TENM2: variants seen among roughly 807,000 people sequenced by gnomAD.
TENM2 encodes the protein teneurin transmembrane protein 2.
Under a neutral mutation model 245.2 loss-of-function variants are expected in TENM2, and 52 were observed. That is an observed-to-expected ratio of 0.21 (90% CI 0.17 to 0.27). The LOEUF (loss-of-function observed/expected upper bound fraction) is 0.27, where lower values mean the gene tolerates loss of function less well. Among genes scored for constraint, TENM2 ranks in the 10% least tolerant of loss-of-function variants. The pLI is 1.00. For synonymous variants in TENM2, 1,363 were observed against 1,438.9 expected (o/e 0.95, Z 1.19); for missense variants, 3,046 against 3,666.8 (o/e 0.83, Z 4.37).
intron 1 of TENM2, among the ~76,000 whole-genome samples, chr5:167,363,657 G>C (rs1759847821): frequency 6.7e-6 from 1 of 149,128 alleles, no homozygotes; most frequent in South Asian, 2.1e-4. Context: ...TGTGAACCCA[G>C]GAGGTGGAGC....
the TENM2 span, among the ~76,000 whole-genome samples, chr5:167,209,648 C>T: frequency 6.6e-6 from 1 of 152,286 alleles, no homozygotes; most frequent in Non-Finnish European, 1.5e-5. Context: ...ATTTTCTGCT[C>T]TTTGTAAAAT....
chr5:167,547,869 G>T (rs764706821), intron 2 of TENM2, among the ~76,000 whole-genome samples: 6 of 152,202 alleles, frequency 3.9e-5, no homozygotes, highest in Non-Finnish European at 8.8e-5. Context: ...GGGAAAGGTG[G>T]AGACAAGGAT....
At chr5:167,118,151 G>A in the TENM2 span, among the ~76,000 whole-genome samples, 1 of 152,112 alleles carries the variant, frequency 6.6e-6, no homozygotes, top group Non-Finnish European at 1.5e-5. Context: ...CTTCCAGTTT[G>A]TAGGCTATTT....
upstream of TENM2, among the ~76,000 whole-genome samples, chr5:167,284,604 A>T (rs753661839): frequency 3.6e-4 from 55 of 152,332 alleles, no homozygotes; most frequent in Middle Eastern, 3.4e-3. Flanking sequence ...TCTTCTATTT[A>T]GGCTGATTGT....
At chr5:168,034,128 TATATATGTATA>T (rs1787424848) in intron 5 of TENM2, among the ~76,000 whole-genome samples, 1 of 123,156 alleles carries the variant, frequency 8.1e-6, no homozygotes, top group African/African-American at 2.9e-5. Flanking sequence ...TGTGTATATA[TATATATGTATA>T]CATATATATG....
At chr5:167,091,540 GAGA>G in the TENM2 span, among the ~76,000 whole-genome samples, 1 of 152,156 alleles carries the variant, frequency 6.6e-6, no homozygotes, top group Non-Finnish European at 1.5e-5. Flanking sequence ...TAAAGAGTTG[GAGA>G]AGAACTTAGA....
At chr5:168,093,536 A>G (rs908218925) in intron 8 of TENM2, among the ~76,000 whole-genome samples, 5 of 152,206 alleles carry the variant, frequency 3.3e-5, no homozygotes, top group Admixed American at 3.3e-4. Flanking sequence ...ACAGAAGGAA[A>G]ATGTTAGACA....
chr5:167,800,618 G>A (rs908750003), intron 2 of TENM2, among the ~76,000 whole-genome samples: 1 of 152,180 alleles, frequency 6.6e-6, no homozygotes, highest in Non-Finnish European at 1.5e-5. Context: ...CTTGCAGCAT[G>A]CATAATCTGA....
chr5:167,308,288 C>G (rs1755801200), intron 1 of TENM2, among the ~76,000 whole-genome samples: 2 of 152,178 alleles, frequency 1.3e-5, no homozygotes, highest in South Asian at 4.1e-4. Context: ...TGGGACAAGT[C>G]TCAGACAAGT....
intron 5 of TENM2, among the ~76,000 whole-genome samples, chr5:168,014,522 A>G (rs1284697000): frequency 6.6e-6 from 1 of 152,180 alleles, no homozygotes; most frequent in East Asian, 1.9e-4. Context: ...AGGGTAGACA[A>G]GTTGATTTCC....
At chr5:168,262,451 C>G in exon 29 of TENM2, 2 of 1,568,990 alleles carry the variant, frequency 1.3e-6, no homozygotes, top group Non-Finnish European at 1.7e-6. Flanking sequence ...CCAGCCCACG[C>G]TGCTGGTCAA....
chr5:167,883,262 A>T (rs1774021966), intron 3 of TENM2, among the ~76,000 whole-genome samples: 1 of 152,244 alleles, frequency 6.6e-6, no homozygotes, highest in Non-Finnish European at 1.5e-5. Flanking sequence ...GGGAACAAAT[A>T]GTCCTCAGGA....
chr5:167,147,013 ACT>A, the TENM2 span, among the ~76,000 whole-genome samples: 1 of 152,290 alleles, frequency 6.6e-6, no homozygotes, highest in South Asian at 2.1e-4. Context: ...TCTCTGGCAT[ACT>A]GATTGGCAGG....
intron 2 of TENM2, among the ~76,000 whole-genome samples, chr5:167,805,916 C>G (rs1766128775): frequency 6.6e-6 from 1 of 152,142 alleles, no homozygotes; most frequent in Admixed American, 6.6e-5. Flanking sequence ...GAATATTAAT[C>G]TTAGATTTTC....
chr5:168,075,791 G>T (rs1274598002), intron 7 of TENM2, among the ~76,000 whole-genome samples: 2 of 152,176 alleles, frequency 1.3e-5, no homozygotes, highest in African/African-American at 2.4e-5. Flanking sequence ...CACATGGCTG[G>T]GGAGGCCTCA....
intron 11 of TENM2, 61 bp from the exon 14 acceptor site, chr5:168,126,693 G>A: frequency 7.0e-7 from 1 of 1,430,456 alleles, no homozygotes; most frequent in Non-Finnish European, 9.6e-7. Context: ...TGCGTGGTCT[G>A]GACTCCATGG....
chr5:167,734,542 G>C (rs1196422167), intron 2 of TENM2, among the ~76,000 whole-genome samples: 1 of 149,984 alleles, frequency 6.7e-6, no homozygotes, highest in East Asian at 1.9e-4. Context: ...TGACAACAAG[G>C]CTGGTTAAAG....
intron 2 of TENM2, among the ~76,000 whole-genome samples, chr5:167,612,429 C>T (rs1777533647): frequency 6.6e-6 from 1 of 151,990 alleles, no homozygotes; most frequent in Admixed American, 6.6e-5. Context: ...AGGCATACTG[C>T]ATGATTTTTT....
chr5:167,703,938 GCC>G (rs1758334639), intron 2 of TENM2, among the ~76,000 whole-genome samples: 1 of 152,118 alleles, frequency 6.6e-6, no homozygotes, highest in Admixed American at 6.5e-5. Flanking sequence ...CCTCTTTCCA[GCC>G]CCCTTTCTTA....
Sources: allele counts gnomAD v4.1 joint callset (sites outside exome capture counted in the v4.1 genomes callset), GRCh38; gene constraint gnomAD v4.1.1; transcripts MANE v1.5; gene names NCBI Gene and HGNC (gene_info 2026-07-23, HGNC 2026-07-21).